RBM42: variants seen among roughly 807,000 people sequenced by gnomAD.
RBM42 encodes the protein RNA binding motif protein 42.
RBM42 carries 21 observed loss-of-function variants against 41.4 expected under a neutral mutation model. The observed-to-expected ratio is 0.51, with a 90% CI of 0.36 to 0.73. The LOEUF (loss-of-function observed/expected upper bound fraction) is 0.73, where lower values mean the gene tolerates loss of function less well. Among genes scored for constraint, RBM42 ranks in the 30% least tolerant of loss-of-function variants. RBM42 has a pLI of 0.00. For missense variants in RBM42, 539 were observed against 680.4 expected (o/e 0.79, Z 2.31); for synonymous variants, 272 against 271.2 (o/e 1.00, Z -0.03).
chr19:35,629,116 C>G lies in RBM42; in HGVS notation c.-38C>G. The G allele has an allele frequency of 6.7e-7, 1 of 1,499,922 alleles. No homozygotes were observed. Among genetic ancestry groups the G allele is most frequent in the Non-Finnish European group, 8.9e-7 (1 of 1,128,290 alleles). The allele number at this position is 1,499,922 out of a possible 1,614,324, so 92.9% of individuals were successfully genotyped here. A position where few individuals can be genotyped will look rare whatever the true frequency, so the allele number is the denominator to read the frequency against. ...AGCAGAACCAGCGGCGGCGGCTAAG[C>G]AGAGACTGTAGTAGCGGCGACAGCG... On this transcript the variant is annotated 5_prime_UTR_variant, in exon 1 of 10. Transcript: ENST00000262633.
rs1416510663 is a variant in RBM42, at chr19:35,631,156, A to C, written c.299A>C (p.Glu100Ala). Residue 100 changes from glutamate to alanine, a missense_variant, in exon 3 of 10, where the codon GAG becomes GCG. By Grantham distance (107) the Glu-to-Ala change is moderately radical (BLOSUM62 -1). Around this residue, in one of 2 missense-constraint regions of RBM42, gnomAD observed 429 missense variants for 488.9 expected, o/e 0.88. Transcript: ENST00000262633. ...NTYQQVQQTLEARAAAAATVV... is the reference protein window; with the variant it reads ...NTYQQVQQTLAARAAAAATVV... ...CCTCGACAGGTCCAGCAGACTCTGG[A>C]GGCCCGAGCAGCTGCTGCAGCCACA... 6.2e-7 allele frequency: 1 copy of C among 1,614,100 alleles called. No homozygotes were observed. Among genetic ancestry groups the C allele is most frequent in the African/African-American group, 1.3e-5 (1 of 75,040 alleles).
At chr19:35,632,867 G>A (rs1599606364) in intron 4 of RBM42, 69 bp from the exon 5 acceptor site, 10 of 763,592 alleles carry the variant, frequency 1.3e-5, no homozygotes, top group South Asian at 4.2e-5. Context: ...ACACACGCAT[G>A]CACACACACA....
rs763399811 is a variant in RBM42 at position 35,631,283 on chromosome 19, G to A, written c.368-48G>A. The A allele has an allele frequency of 1.7e-5, 28 of 1,612,282 alleles. No individual in the cohort carries two copies. In the East Asian group the frequency reaches 4.9e-4, roughly 28 times the overall value. Reference sequence around the variant, plus strand: ...CAATCAGGCAGGGTGGTAAAAAGGTGTGCACAGGACTCTCCTCCCACCATC... The same window carrying A: ...CAATCAGGCAGGGTGGTAAAAAGGTATGCACAGGACTCTCCTCCCACCATC... On this transcript the variant is annotated intron_variant, in intron 3 of 9. Transcript: ENST00000262633.
intron 1 of RBM42, 67 bp from the exon 2 acceptor site, chr19:35,629,446 TCCCCTCG>T: frequency 6.3e-7 from 1 of 1,580,748 alleles, no homozygotes; most frequent in Non-Finnish European, 8.6e-7. Context: ...GGGGTGAGGG[TCCCCTCG>T]CGATATACCC....
Position 35,633,012 on chromosome 19 carries a change from A to C in RBM42, c.508+11A>C. On this transcript the variant is annotated intron_variant, in intron 5 of 9. Coordinates refer to ENST00000262633, the MANE Select transcript of RBM42 (RefSeq NM_024321.5). ...TGCTACAGAGAGCAGGTGAGGGGCC[A>C]GGGTCATCATCCCTGCCACATAACT... 1 of 1,608,190 alleles carries C rather than the reference A, an allele frequency of 6.2e-7. No homozygotes were observed. The highest frequency in any genetic ancestry group is 8.5e-7 in the Non-Finnish European group (1 of 1,174,744).
chr19:35,634,791 T>A (rs1461918381), intron 8 of RBM42, among the ~76,000 whole-genome samples: 1 of 151,504 alleles, frequency 6.6e-6, no homozygotes, highest in Non-Finnish European at 1.5e-5. Context: ...CCCAAAGTGC[T>A]GGGATTACAG....
rs374790647 is a variant in RBM42 at position 35,631,224 on chromosome 19, G to C, written c.367G>C (p.Val123Leu). The C allele has an allele frequency of 7.4e-6, 12 of 1,614,030 alleles. No individual in the cohort carries two copies. The highest frequency in any genetic ancestry group is 5.0e-5 in the Admixed American group (3 of 60,006). Residue 123 changes from valine (V) to leucine (L), a missense_variant and splice_region_variant, in exon 3 of 10, where the codon GTT (valine) becomes CTT (leucine). This residue lies in a region of RBM42 where 429 missense variants were observed against 488.9 expected (regional missense o/e 0.88). Coordinates refer to ENST00000262633, the MANE Select transcript of RBM42 (RefSeq NM_024321.5). ...GGGTGGCCCTCCTTTTGTAGGCCCT[G>C]GTAAGTAAAGAGTAGCAAGGTGAGG... ...MVGGPPFVGP[V>L]GFGPGDRSHL... is the part of the protein sequence containing the mutation.
Position 35,637,430 on chromosome 19 carries a change from C to G in RBM42, c.1331-12C>G. Reference sequence around the variant, plus strand: ...CTGACCCGAGCCTGCCTTGAACCCTCTGTCTCCACAGGGAAGTATGTGGGC... The same window carrying G: ...CTGACCCGAGCCTGCCTTGAACCCTGTGTCTCCACAGGGAAGTATGTGGGC... On this transcript the variant is annotated splice_polypyrimidine_tract_variant and intron_variant, in intron 9 of 9. Coordinates refer to ENST00000262633, the MANE Select transcript of RBM42 (RefSeq NM_024321.5). This position sits in a 1 kb window ranked among gnomAD's most constrained non-coding sequence, Gnocchi z 7.0. The G allele has an allele frequency of 6.2e-7, 1 of 1,613,892 alleles. No homozygotes were observed.
chr19:35,637,515 C>T lies in RBM42; in HGVS notation c.1404C>T (p.Arg468=). The stretch of plus-strand genomic sequence containing the variant: ...AGGACCGGAATCTGGACGTGGTCCG[C>T]AAGAAGCAGAAGGAAAAGAAGAAGC... ...MWKDRNLDVV[R]KKQKEKKKLG... Residue 468 remains arginine, a synonymous_variant, in exon 10 of 10, where the codon CGC becomes CGT. Transcript: ENST00000262633. This position sits in a 1 kb window ranked among gnomAD's most constrained non-coding sequence, Gnocchi z 7.0. The T allele has an allele frequency of 1.2e-6, 2 of 1,614,234 alleles. No homozygotes were observed. The highest frequency in any genetic ancestry group is 1.7e-6 in the Non-Finnish European group (2 of 1,180,048).
intron 1 of RBM42, 31 bp downstream of exon 1, chr19:35,629,312 C>T (rs750989062): frequency 1.3e-6 from 2 of 1,497,898 alleles, no homozygotes; most frequent in Non-Finnish European, 1.8e-6. Context: ...TGATAAAAGT[C>T]GTCCCAGAGC....
chr19:35,635,988 G>A (rs1016544810), intron 8 of RBM42, among the ~76,000 whole-genome samples: 38 of 152,002 alleles, frequency 2.5e-4, no homozygotes, highest in Non-Finnish European at 1.3e-4. Flanking sequence ...TATCACAGAC[G>A]CCATGGGGCA....
rs1232132480 is a variant in RBM42, at chr19:35,629,561, C to T, written c.170C>T (p.Pro57Leu). 2 of 1,614,072 alleles carry T rather than the reference C, an allele frequency of 1.2e-6. No homozygotes were observed. Among genetic ancestry groups the T allele is most frequent in the African/African-American group, 1.3e-5 (1 of 74,922 alleles). ...EVLGAPVPGI[P>L]TAVPAVPTVP... is the part of the protein sequence containing the mutation. Reference sequence around the variant, plus strand: ...CTGGGGGCTCCAGTACCTGGAATCCCAACTGCTGTGCCTGCGGTGCCCACT... The same window carrying T: ...CTGGGGGCTCCAGTACCTGGAATCCTAACTGCTGTGCCTGCGGTGCCCACT... The change falls in exon 2 of 10, where the codon CCA becomes CTA. Residue 57 changes from proline (P) to leucine (L), a missense_variant. Pro to Leu is a moderately conservative substitution (Grantham distance 98). This residue lies in a region of RBM42 where 429 missense variants were observed against 488.9 expected (regional missense o/e 0.88). Transcript: ENST00000262633.
Position 35,632,991 on chromosome 19 carries a change from A to C in RBM42, c.498A>C (p.Leu166=), listed in dbSNP as rs760380511. ...GTCCAGCCTTCGTCCCCCACGTGCTACAGAGAGCAGGTGAGGGGCCAGGGT... is the reference window on the plus strand; with the variant it reads ...GTCCAGCCTTCGTCCCCCACGTGCTCCAGAGAGCAGGTGAGGGGCCAGGGT... ...ILRPAFVPHV[L]QRADSALSSA... is the part of the protein sequence containing the mutation. The change falls in exon 5 of 10, where the codon CTA becomes CTC. Residue 166 remains leucine, a synonymous_variant. Transcript: ENST00000262633. 3 of 1,609,040 alleles carry C rather than the reference A, an allele frequency of 1.9e-6. No individual in the cohort carries two copies. Among genetic ancestry groups the C allele is most frequent in the Non-Finnish European group, 2.6e-6 (3 of 1,176,084 alleles).
chr19:35,633,002 G>A lies in RBM42; in HGVS notation c.508+1G>A, dbSNP rs765308964. ...GTCCCCCACGTGCTACAGAGAGCAG[G>A]TGAGGGGCCAGGGTCATCATCCCTG... On this transcript the variant is annotated splice_donor_variant, in intron 5 of 9. Transcript: ENST00000262633. LOFTEE classifies it high-confidence loss of function. The A allele has an allele frequency of 1.4e-5, 22 of 1,610,300 alleles. No homozygotes were observed. Among genetic ancestry groups the A allele is most frequent in the Non-Finnish European group, 1.7e-5 (20 of 1,176,694 alleles).
At position 35,637,370 on chromosome 19, in the gene RBM42, T is replaced by A; in HGVS notation, c.1330+18T>A. 1 of 1,613,830 alleles carries A rather than the reference T, an allele frequency of 6.2e-7. No individual in the cohort carries two copies. Among genetic ancestry groups the A allele is most frequent in the Non-Finnish European group, 8.5e-7 (1 of 1,179,712 alleles). ...GATGAATGGTGGGTGCGGCCTCCCC[T>A]GGGAACTGCAGGCGCGGCAGGCGCT... On this transcript the variant is annotated intron_variant, in intron 9 of 9. Transcript: ENST00000262633. The surrounding 1 kb of genome is among the most constrained non-coding windows in gnomAD (Gnocchi z 7.0).
At chr19:35,633,469 A>G (rs1456191577) in intron 6 of RBM42, among the ~76,000 whole-genome samples, 2 of 152,090 alleles carry the variant, frequency 1.3e-5, no homozygotes, top group African/African-American at 4.8e-5. Flanking sequence ...TGCTATTGGA[A>G]TATTTCTCTT....
rs1967523982 is a variant in RBM42, at chr19:35,637,676, T to C, written c.*122T>C. ...CAAAACCAGTTTCAATAAATTTACG[T>C]TCATTTCCACCCCTGGCTGGGCATG... On this transcript the variant is annotated 3_prime_UTR_variant, in exon 10 of 10. Transcript: ENST00000262633. This position sits in a 1 kb window ranked among gnomAD's most constrained non-coding sequence, Gnocchi z 7.0. 6 of 754,050 alleles carry C rather than the reference T, an allele frequency of 8.0e-6. No homozygotes were observed. The highest frequency in any genetic ancestry group is 1.3e-5 in the Non-Finnish European group (6 of 457,094). 46.7% of individuals were successfully genotyped at this position (754,050 alleles called of 1,614,324 possible).
rs375316706 is a variant in RBM42 at position 35,637,412 on chromosome 19, G to T, written c.1331-30G>T. 2.5e-6 allele frequency: 4 copies of T among 1,613,032 alleles called. No individual in the cohort carries two copies. The African/African-American group carries it at 4.0e-5, about 16-fold the overall frequency. On this transcript the variant is annotated intron_variant, in intron 9 of 9. Coordinates refer to ENST00000262633, the MANE Select transcript of RBM42 (RefSeq NM_024321.5). This position sits in a 1 kb window ranked among gnomAD's most constrained non-coding sequence, Gnocchi z 7.0. ...GCAGGCGCTGGCCTAAGCCTGACCC[G>T]AGCCTGCCTTGAACCCTCTGTCTCC...
At position 35,631,408 on chromosome 19, in the gene RBM42, G is replaced by A. The variant is rs775488279; in HGVS notation, c.442+3G>A. Reference sequence around the variant, plus strand: ...AGCCATGTTCCTGCGGCGGGCAGGTGAGTCTGGGGCCAGGGACCCCCACAT... The same window carrying A: ...AGCCATGTTCCTGCGGCGGGCAGGTAAGTCTGGGGCCAGGGACCCCCACAT... On this transcript the variant is annotated splice_donor_region_variant and intron_variant, in intron 4 of 9. Coordinates refer to ENST00000262633, the MANE Select transcript of RBM42 (RefSeq NM_024321.5). 108 of 1,613,962 alleles carry A rather than the reference G, an allele frequency of 6.7e-5. No individual in the cohort carries two copies. In the Middle Eastern group the frequency reaches 1.5e-3, roughly 22 times the overall value.
Sources: gnomAD v4.1 joint callset for allele counts (sites outside exome capture counted in the v4.1 genomes callset) on GRCh38, gnomAD v4.1.1 for gene constraint, gnomAD v4.1.1 regional missense constraint, Gnocchi (gnomAD v3.1) non-coding constraint, MANE v1.5 for transcripts, NCBI Gene and HGNC (gene_info 2026-07-23, HGNC 2026-07-21) for gene names.